The following PIK3C3 variants were observed in gnomAD, a reference collection of about 807,000 sequenced individuals.
PIK3C3 encodes the protein phosphatidylinositol 3-kinase catalytic subunit type 3.
In PIK3C3, 95 loss-of-function variants were observed where a neutral mutation model predicts 126.1. That is an observed-to-expected ratio of 0.75 (90% CI 0.64 to 0.89). The LOEUF is 0.89. Ranked by LOEUF, PIK3C3 falls within the 40% of genes least tolerant of loss-of-function variation. The pLI, the probability that PIK3C3 is intolerant of heterozygous loss-of-function variation, is 0.00. For synonymous variants in PIK3C3, 374 were observed against 360.0 expected (o/e 1.04, Z -0.44); for missense variants, 829 against 1,063.2 (o/e 0.78, Z 3.06).
rs774752931 is a variant in PIK3C3 at position 42,029,448 on chromosome 18, C to T, written c.1707+7C>T. The T allele has an allele frequency of 1.3e-6, 2 of 1,516,750 alleles. No individual in the cohort carries two copies. Among genetic ancestry groups the T allele is most frequent in the Non-Finnish European group, 1.8e-6 (2 of 1,092,056 alleles). 94.0% of individuals were successfully genotyped at this position (1,516,750 alleles called of 1,614,324 possible). A position where few individuals can be genotyped will look rare whatever the true frequency, so the allele number is the denominator to read the frequency against. On this transcript the variant is annotated splice_region_variant and intron_variant, in intron 15 of 24. Transcript: ENST00000262039. Reference sequence around the variant, plus strand: ...TGGAAATCGTAAGAAAAAGGTAAGCCTATGGTGTATGCTTTTGTTCCTAAT... The same window carrying T: ...TGGAAATCGTAAGAAAAAGGTAAGCTTATGGTGTATGCTTTTGTTCCTAAT...
chr18:41,970,504 T>C, intron 4 of PIK3C3, 48 bp downstream of exon 4: 3 of 1,537,992 alleles, frequency 2.0e-6, no homozygotes, highest in Non-Finnish European at 2.7e-6. Flanking sequence ...CTGATGTCTA[T>C]TGTAGTATAT....
chr18:41,974,553 C>T (rs12607810), intron 4 of PIK3C3, among the ~76,000 whole-genome samples: 24,859 of 150,996 alleles, frequency 0.16, 2,243 homozygotes, highest in East Asian at 0.29. Context: ...TATTACCCCC[C>T]CACCCCCTGC....
At chr18:41,993,390 T>C in intron 7 of PIK3C3, 49 bp downstream of exon 7, 1 of 1,198,874 alleles carries the variant, frequency 8.3e-7, no homozygotes, top group African/African-American at 1.5e-5. Flanking sequence ...TTCAGAGTAA[T>C]TGTGAGTTAG....
intron 12 of PIK3C3, among the ~76,000 whole-genome samples, chr18:42,018,008 TCTTG>T (rs1254464298): frequency 6.6e-6 from 1 of 151,748 alleles, no homozygotes; most frequent in Non-Finnish European, 1.5e-5. Context: ...AATTACATAT[TCTTG>T]CTTGTCATTG....
At chr18:42,025,627 T>A (rs1389658080) in intron 13 of PIK3C3, 2 of 152,150 alleles carry the variant, frequency 1.3e-5, no homozygotes, top group Admixed American at 6.5e-5. Flanking sequence ...GTAGAAAAAA[T>A]TCAATTTAAT....
intron 9 of PIK3C3, 32 bp downstream of exon 9, chr18:41,996,762 T>A (rs1982045863): frequency 9.8e-7 from 1 of 1,023,566 alleles, no homozygotes; most frequent in South Asian, 1.5e-5. Flanking sequence ...ATATATCAAA[T>A]TTATCTACCA....
intron 9 of PIK3C3, among the ~76,000 whole-genome samples, chr18:42,003,557 A>G (rs1982394504): frequency 1.3e-5 from 2 of 152,196 alleles, no homozygotes; most frequent in African/African-American, 4.8e-5. Flanking sequence ...GATTACAGGC[A>G]TGAGCCACCA....
intron 15 of PIK3C3, among the ~76,000 whole-genome samples, chr18:42,032,624 T>TTCTA (rs1983878320): frequency 1.4e-5 from 2 of 144,012 alleles, no homozygotes; most frequent in Admixed American, 7.0e-5. Context: ...TTTCTGGTTA[T>TTCTA]TTTATTTATT....
At chr18:42,078,118 C>G (rs1375562808) in intron 24 of PIK3C3, among the ~76,000 whole-genome samples, 4 of 152,056 alleles carry the variant, frequency 2.6e-5, no homozygotes, top group African/African-American at 9.7e-5. Flanking sequence ...TGGCTCACGC[C>G]TGTAATCCCA....
intron 13 of PIK3C3, among the ~76,000 whole-genome samples, chr18:42,025,054 C>T (rs191994824): frequency 8.6e-5 from 13 of 152,026 alleles, no homozygotes; most frequent in South Asian, 2.1e-4. Context: ...CCTCATGATC[C>T]GCCCACCTTG....
chr18:42,008,379 A>C (rs921576347), intron 10 of PIK3C3, among the ~76,000 whole-genome samples: 1 of 152,192 alleles, frequency 6.6e-6, no homozygotes, highest in African/African-American at 2.4e-5. Flanking sequence ...AGAGCAAGGG[A>C]ACTGAAAGTA....
intron 10 of PIK3C3, among the ~76,000 whole-genome samples, chr18:42,007,475 A>G (rs541986447): frequency 7.9e-5 from 12 of 152,270 alleles, no homozygotes; most frequent in African/African-American, 2.9e-4. Context: ...CATATTATAA[A>G]AATATTGACA....
At position 42,033,951 on chromosome 18, in the gene PIK3C3, G is replaced by A; in HGVS notation, c.1833G>A (p.Leu611=). 2 of 1,591,838 alleles carry A rather than the reference G, an allele frequency of 1.3e-6. No homozygotes were observed. Among genetic ancestry groups the A allele is most frequent in the Non-Finnish European group, 1.7e-6 (2 of 1,170,564 alleles). Residue 611 remains leucine (L), a synonymous_variant, in exon 16 of 25, where the codon CTG becomes CTA. Transcript: ENST00000262039. ...IRGIIPETAT[L]FKSALMPAQL... ...GAATAATTCCGGAAACAGCTACACT[G>A]TTTAAAGTAATTGTGATGGATATTT...
At chr18:41,965,193 A>G (rs1008748548) in intron 3 of PIK3C3, among the ~76,000 whole-genome samples, 1 of 152,224 alleles carries the variant, frequency 6.6e-6, no homozygotes, top group African/African-American at 2.4e-5. Flanking sequence ...ATAACCAGAC[A>G]TTCCTCTTGG....
Position 42,081,190 on chromosome 18 carries a change from A to C in PIK3C3, c.*53A>C. 7.5e-7 allele frequency: 1 copy of C among 1,341,588 alleles called. No homozygotes were observed. The highest frequency in any genetic ancestry group is 1.1e-6 in the Non-Finnish European group (1 of 944,442). The allele number at this position is 1,341,588 out of a possible 1,614,324, so 83.1% of individuals were successfully genotyped here. A position where few individuals can be genotyped will look rare whatever the true frequency, so the allele number is the denominator to read the frequency against. On this transcript the variant is annotated 3_prime_UTR_variant, in exon 25 of 25. Coordinates refer to ENST00000262039, the MANE Select transcript of PIK3C3 (RefSeq NM_002647.4). ...GGCTCAATAAGAAAACCACGTTAGG[A>C]GCAACCTTTGTATATTGGAGACTTC... is the stretch of plus-strand genomic sequence containing the variant.
intron 21 of PIK3C3, 110 bp downstream of exon 21, chr18:42,049,715 C>G: frequency 2.4e-6 from 2 of 827,792 alleles, no homozygotes; most frequent in Non-Finnish European, 4.0e-6. Context: ...GGCTCACGCC[C>G]GTAATCCCAG....
At chr18:42,034,185 A>G (rs1284522353) in intron 16 of PIK3C3, among the ~76,000 whole-genome samples, 1 of 152,084 alleles carries the variant, frequency 6.6e-6, no homozygotes, top group South Asian at 2.1e-4. Context: ...AAATACTTTT[A>G]TATCTCTGGG....
intron 20 of PIK3C3, 124 bp downstream of exon 20, chr18:42,043,941 G>T: frequency 3.4e-6 from 2 of 588,930 alleles, no homozygotes; most frequent in Admixed American, 3.1e-5. Flanking sequence ...AAGAGTAAAA[G>T]ATAAATGTTG....
chr18:41,972,753 T>C (rs1980731353), intron 4 of PIK3C3, among the ~76,000 whole-genome samples: 1 of 152,156 alleles, frequency 6.6e-6, no homozygotes, highest in South Asian at 2.1e-4. Flanking sequence ...AATTGCTCCC[T>C]CTTTGAAGGA....
Sources: gnomAD v4.1 joint callset for allele counts (sites outside exome capture counted in the v4.1 genomes callset) on GRCh38, gnomAD v4.1.1 for gene constraint, MANE v1.5 for transcripts, NCBI Gene and HGNC (gene_info 2026-07-23, HGNC 2026-07-21) for gene names.